Variants in FILIP1L observed in about 807,000 individuals in gnomAD.
FILIP1L encodes filamin A-interacting protein 1-like.
Under a neutral mutation model 96.6 loss-of-function variants are expected in FILIP1L, and 55 were observed. The ratio of observed to expected loss-of-function variants is 0.57; its 90% confidence interval spans 0.46 to 0.71. The LOEUF is 0.71. Among genes scored for constraint, FILIP1L ranks in the 30% least tolerant of loss-of-function variants. The pLI is 0.00. For missense variants in FILIP1L, 1,304 were observed against 1,321.2 expected, an observed-to-expected ratio of 0.99 and a Z score of 0.20; for synonymous variants, 467 against 473.9, an observed-to-expected ratio of 0.99 and a Z score of 0.19.
intron 1 of FILIP1L, among the ~76,000 whole-genome samples, chr3:100,088,110 C>A (rs930357435): frequency 1.3e-5 from 2 of 152,146 alleles, no homozygotes; most frequent in Non-Finnish European, 2.9e-5. Flanking sequence ...GGATTACAGG[C>A]ATGAGCCACT....
chr3:100,096,175 G>A (rs970164246), intron 1 of FILIP1L, among the ~76,000 whole-genome samples: 1 of 152,150 alleles, frequency 6.6e-6, no homozygotes, highest in Non-Finnish European at 1.5e-5. Context: ...ATGAAAATTG[G>A]TACAACCACT....
intron 1 of FILIP1L, among the ~76,000 whole-genome samples, chr3:100,074,633 A>G (rs1040572823): frequency 1.6e-5 from 2 of 122,370 alleles, no homozygotes; most frequent in African/African-American, 3.1e-5. Flanking sequence ...TTGGTTCCCA[A>G]TGTTTCTTTT....
intron 3 of FILIP1L, among the ~76,000 whole-genome samples, chr3:99,927,912 G>A (rs188521517): frequency 3.8e-4 from 58 of 152,120 alleles, no homozygotes; most frequent in East Asian, 1.2e-3. Flanking sequence ...TGTTCCTGTC[G>A]TGTCATGTAA....
intron 1 of FILIP1L, among the ~76,000 whole-genome samples, chr3:99,938,780 C>T (rs1164473588): frequency 1.3e-5 from 2 of 151,782 alleles, no homozygotes. Context: ...AGGTTGTGCT[C>T]ACATGGCCAG....
intron 1 of FILIP1L, among the ~76,000 whole-genome samples, chr3:99,983,476 A>ATGTG (rs1709224411): frequency 2.4e-4 from 4 of 16,696 alleles, no homozygotes; most frequent in African/African-American, 8.8e-4. Context: ...ATATATATAT[A>ATGTG]TATATATATA....
At chr3:99,874,802 CAATT>C (rs1325452516) in intron 4 of FILIP1L, among the ~76,000 whole-genome samples, 1 of 152,140 alleles carries the variant, frequency 6.6e-6, no homozygotes, top group African/African-American at 2.4e-5. Context: ...TTTCTTCTGA[CAATT>C]AAATATAAAA....
chr3:100,067,782 C>G (rs1490114809), intron 1 of FILIP1L, among the ~76,000 whole-genome samples: 2 of 152,126 alleles, frequency 1.3e-5, no homozygotes, highest in East Asian at 3.9e-4. Context: ...TGGTCTCTAT[C>G]CAAGCCTTGA....
chr3:100,032,112 G>T (rs1247501839), intron 1 of FILIP1L, among the ~76,000 whole-genome samples: 1 of 152,112 alleles, frequency 6.6e-6, no homozygotes, highest in East Asian at 1.9e-4. Context: ...CCTGCCCTAT[G>T]GGAATAAATA....
intron 1 of FILIP1L, among the ~76,000 whole-genome samples, chr3:100,031,160 A>C (rs2065016109): frequency 1.3e-5 from 2 of 152,128 alleles, no homozygotes; most frequent in Non-Finnish European, 2.9e-5. Context: ...TATGTACTTA[A>C]ATGTCATATT....
At chr3:99,958,382 G>GT (rs1415342269) in intron 1 of FILIP1L, among the ~76,000 whole-genome samples, 2 of 152,034 alleles carry the variant, frequency 1.3e-5, no homozygotes, top group Non-Finnish European at 2.9e-5. Flanking sequence ...ACTAGGGCCT[G>GT]TTAATGCCAG....
intron 1 of FILIP1L, among the ~76,000 whole-genome samples, chr3:100,096,466 G>A (rs1474106917): frequency 6.6e-6 from 1 of 152,180 alleles, no homozygotes; most frequent in Non-Finnish European, 1.5e-5. Flanking sequence ...ACAACAACAT[G>A]GATGGAACTG....
At chr3:99,860,641 G>C (rs1049981152) in intron 4 of FILIP1L, among the ~76,000 whole-genome samples, 1 of 152,096 alleles carries the variant, frequency 6.6e-6, no homozygotes, top group Non-Finnish European at 1.5e-5. Context: ...CATGATTCTG[G>C]GCTAGAAAAG....
At chr3:100,065,630 A>G (rs1254602577) in intron 1 of FILIP1L, among the ~76,000 whole-genome samples, 4 of 152,142 alleles carry the variant, frequency 2.6e-5, no homozygotes, top group Non-Finnish European at 4.4e-5. Flanking sequence ...CCATTTTACC[A>G]CTGCCATAGT....
intron 1 of FILIP1L, among the ~76,000 whole-genome samples, chr3:100,090,906 A>G (rs939271321): frequency 1.3e-5 from 2 of 152,180 alleles, no homozygotes; most frequent in East Asian, 3.9e-4. Context: ...AAAACTTGAA[A>G]TGAGTGCAGA....
At chr3:99,983,462 G>GTATATATATATATATA (rs1466852207) in intron 1 of FILIP1L, among the ~76,000 whole-genome samples, 1 of 11,998 alleles carries the variant, frequency 8.3e-5, no homozygotes, top group Non-Finnish European at 2.0e-4. Flanking sequence ...ATATATATGT[G>GTATATATATATATATA]TGTATATATA....
intron 1 of FILIP1L, among the ~76,000 whole-genome samples, chr3:99,993,338 A>G (rs1709578855): frequency 6.6e-6 from 1 of 151,926 alleles, no homozygotes. Context: ...TGGAGCTTGG[A>G]ACTTCACTAG....
chr3:99,921,802 G>T (rs1707131819), intron 4 of FILIP1L, among the ~76,000 whole-genome samples: 1 of 151,992 alleles, frequency 6.6e-6, no homozygotes, highest in African/African-American at 2.4e-5. Flanking sequence ...TTCATATATT[G>T]ATTTAGTAGT....
At chr3:99,982,700 G>A (rs529628250) in intron 1 of FILIP1L, among the ~76,000 whole-genome samples, 1 of 152,150 alleles carries the variant, frequency 6.6e-6, no homozygotes, top group South Asian at 2.1e-4. Context: ...AATCATGGAA[G>A]TAACCAGACC....
rs140285582 is a variant in FILIP1L, at chr3:100,021,964, A to T, written c.-10-90934T>A. 9.4e-3 allele frequency among the ~76,000 whole-genome samples: 921 copies of T among 98,184 alleles called. 3 individuals are homozygous for T. The highest frequency in any genetic ancestry group is 0.024 in the African/African-American group (621 of 26,194). 64.4% of individuals were successfully genotyped at this position (98,184 alleles called of 152,430 possible). A position where few individuals can be genotyped will look rare whatever the true frequency, so the allele number is the denominator to read the frequency against. ...GTGTGTGTGTGTGTGTGTGTGTGAG[A>T]GAGAGAGAGAGAGAGAGAGAGAGAG... On this transcript the variant is annotated intron_variant, in intron 1 of 5. Coordinates refer to ENST00000477258, the MANE Select transcript of FILIP1L (RefSeq NM_001387850.1).
Sources: gnomAD v4.1 joint callset for allele counts (sites outside exome capture counted in the v4.1 genomes callset) on GRCh38, gnomAD v4.1.1 for gene constraint, MANE v1.5 for transcripts, NCBI Gene and HGNC (gene_info 2026-07-23, HGNC 2026-07-21) for gene names.